The following TLN2 variants were observed in gnomAD, a reference collection of about 807,000 sequenced individuals.
TLN2 encodes the protein talin-2.
TLN2 carries 118 observed loss-of-function variants against 294.7 expected under a neutral mutation model. The observed-to-expected ratio is 0.40, with a 90% CI of 0.34 to 0.47. The LOEUF is 0.47. Ranked by LOEUF, TLN2 falls within the 20% of genes least tolerant of loss-of-function variation. The probability of loss-of-function intolerance (pLI) is 0.84; values close to 1 mark genes in which losing one functional copy is unlikely to be tolerated. For synonymous variants in TLN2, 1,431 were observed against 1,304.5 expected (o/e 1.10, Z -2.09); for missense variants, 3,083 against 3,282.2 (o/e 0.94, Z 1.48).
chr15:62,702,669 G>A, intron 18 of TLN2, 97 bp from the exon 19 acceptor site: 5 of 1,243,872 alleles, frequency 4.0e-6, no homozygotes, highest in Non-Finnish European at 5.9e-6. Flanking sequence ...GACAAAGGGA[G>A]CAAATTCTGT....
chr15:62,649,965 T>C, intron 4 of TLN2, 119 bp from the exon 5 acceptor site: 3 of 939,206 alleles, frequency 3.2e-6, no homozygotes, highest in Non-Finnish European at 5.0e-6. Context: ...AACGAAACAT[T>C]GCTGTCTGGT....
intron 2 of TLN2, among the ~76,000 whole-genome samples, chr15:62,609,650 T>G (rs551011697): frequency 6.6e-6 from 1 of 152,302 alleles, no homozygotes; most frequent in South Asian, 2.1e-4. Context: ...TACCATGTTC[T>G]TTTTGCACCG....
chr15:62,630,444 C>T (rs2049686285), intron 3 of TLN2, among the ~76,000 whole-genome samples: 1 of 152,168 alleles, frequency 6.6e-6, no homozygotes, highest in African/African-American at 2.4e-5. Flanking sequence ...ACTGGCCCTG[C>T]GGTCATACTG....
chr15:62,426,369 G>C (rs781115430), intron 1 of TLN2, among the ~76,000 whole-genome samples: 2 of 152,216 alleles, frequency 1.3e-5, no homozygotes, highest in African/African-American at 4.8e-5. Flanking sequence ...GAGCAAAGCC[G>C]TTGCTGCCCT....
At chr15:62,650,292 C>G (rs115430149) in intron 5 of TLN2, 111 bp downstream of exon 5, 3 of 1,065,530 alleles carry the variant, frequency 2.8e-6, no homozygotes, top group South Asian at 3.0e-5. Context: ...ATTAATAGTT[C>G]GATGCATTGT....
chr15:62,497,883 G>A (rs1361161455), intron 1 of TLN2, among the ~76,000 whole-genome samples: 1 of 151,984 alleles, frequency 6.6e-6, no homozygotes, highest in Non-Finnish European at 1.5e-5. Context: ...TGCTGACCAA[G>A]CGTGGACAGT....
intron 57 of TLN2, among the ~76,000 whole-genome samples, chr15:62,836,463 CTG>C (rs2069606637): frequency 6.6e-6 from 1 of 152,234 alleles, no homozygotes; most frequent in South Asian, 2.1e-4. Flanking sequence ...GTAGGTCTGT[CTG>C]TGAGCAGGTT....
At chr15:62,722,985 C>A (rs900995734) in intron 26 of TLN2, among the ~76,000 whole-genome samples, 1 of 152,216 alleles carries the variant, frequency 6.6e-6, no homozygotes, top group African/African-American at 2.4e-5. Flanking sequence ...TTCACCTTAA[C>A]AAGGTCTTCA....
chr15:62,725,976 A>C (rs1389933046), intron 27 of TLN2, among the ~76,000 whole-genome samples: 1 of 152,316 alleles, frequency 6.6e-6, no homozygotes, highest in South Asian at 2.1e-4. Flanking sequence ...AAGTTCCCCT[A>C]ATAGTAAAAA....
At chr15:62,615,390 AAC>A (rs1019211140) in intron 2 of TLN2, among the ~76,000 whole-genome samples, 1 of 152,224 alleles carries the variant, frequency 6.6e-6, no homozygotes, top group African/African-American at 2.4e-5. Context: ...CGGGTTTGAG[AAC>A]ACACTACTCT....
At chr15:62,498,239 GAAGTA>G (rs369913109) in intron 1 of TLN2, among the ~76,000 whole-genome samples, 204 of 149,592 alleles carry the variant, frequency 1.4e-3, no homozygotes, top group African/African-American at 4.9e-3. Flanking sequence ...TTTAAATTCT[GAAGTA>G]AATAACCTGG....
chr15:62,472,883 C>A lies in TLN2; in HGVS notation c.-238+82198C>A, dbSNP rs1022094256. 5.3e-5 allele frequency among the ~76,000 whole-genome samples: 8 copies of A among 152,196 alleles called. No individual in the cohort carries two copies. In the South Asian group the frequency reaches 1.2e-3, roughly 24 times the overall value. On this transcript the variant is annotated intron_variant, in intron 1 of 58. Transcript: ENST00000636159. ...GCTTGGAGGAGGAGAGGCAAGGAAG[C>A]CAGGCCTCTGTGTGCAGCTGAGGAA...
chr15:62,686,622 T>A lies in TLN2; in HGVS notation c.958-19T>A, dbSNP rs112279831. On this transcript the variant is annotated intron_variant, in intron 11 of 58. Transcript: ENST00000636159. ...GTATTCAGAAGAAGAGCACTGACTC[T>A]TGGTATCTCCTGTTTCAGGAGAAGA... 0.031 allele frequency: 49,736 copies of A among 1,604,158 alleles called. 952 individuals are homozygous for A. The highest frequency in any genetic ancestry group is 0.067 in the Middle Eastern group (407 of 6,050).
At position 62,717,131 on chromosome 15, in the gene TLN2, C is replaced by T. The variant is rs1344630371; in HGVS notation, c.2764-445C>T. Among the ~76,000 whole-genome samples, 3 of 152,012 alleles carry T rather than the reference C, an allele frequency of 2.0e-5. No homozygotes were observed. The South Asian group carries it at 6.2e-4, about 32-fold the overall frequency. Reference sequence around the variant, plus strand: ...ACAAGAGGGTAAACACAATTAAGTGCCCTGGTTGGAAAGTCTCTGCATTTT... The same window carrying T: ...ACAAGAGGGTAAACACAATTAAGTGTCCTGGTTGGAAAGTCTCTGCATTTT... On this transcript the variant is annotated intron_variant, in intron 23 of 58. Coordinates refer to ENST00000636159, the MANE Select transcript of TLN2 (RefSeq NM_015059.3).
chr15:62,710,187 A>G lies in TLN2; in HGVS notation c.2467+1391A>G, dbSNP rs535578975. Among the ~76,000 whole-genome samples the G allele has an allele frequency of 2.0e-5, 3 of 152,372 alleles. No homozygotes were observed. In the East Asian group the frequency reaches 5.8e-4, roughly 29 times the overall value. On this transcript the variant is annotated intron_variant, in intron 21 of 58. Transcript: ENST00000636159. ...ATTTTGCTTTTACAAAAATACTACA[A>G]TAAGCATTCTTGTAAAAATAGTTTA...
chr15:62,647,023 C>G (rs111738542), intron 3 of TLN2, among the ~76,000 whole-genome samples: 9 of 152,318 alleles, frequency 5.9e-5, no homozygotes, highest in African/African-American at 2.2e-4. Flanking sequence ...CTGGAGCTCC[C>G]TCCTCCTAAG....
At chr15:62,399,232 G>A in intron 1 of TLN2, among the ~76,000 whole-genome samples, 1 of 113,158 alleles carries the variant, frequency 8.8e-6, no homozygotes, top group East Asian at 3.1e-4. Flanking sequence ...TAGCCTGGGT[G>A]ACAGAGCGAG....
chr15:62,636,173 A>C (rs1011166875), intron 3 of TLN2, among the ~76,000 whole-genome samples: 1 of 152,208 alleles, frequency 6.6e-6, no homozygotes, highest in South Asian at 2.1e-4. Context: ...AAGGATGGGA[A>C]AATTACAGCA....
chr15:62,743,142 C>G (rs2061431228), intron 32 of TLN2, among the ~76,000 whole-genome samples: 1 of 152,152 alleles, frequency 6.6e-6, no homozygotes, highest in Admixed American at 6.5e-5. Context: ...CTAGAACAGT[C>G]CTGCATAAAA....
Sources: gnomAD v4.1 joint callset for allele counts (sites outside exome capture counted in the v4.1 genomes callset) on GRCh38, gnomAD v4.1.1 for gene constraint, MANE v1.5 for transcripts, NCBI Gene and HGNC (gene_info 2026-07-23, HGNC 2026-07-21) for gene names.